The following ZNF396 variants were observed in gnomAD, a reference collection of about 807,000 sequenced individuals.
ZNF396 encodes the protein zinc finger and SCAN domain-containing protein 14.
A neutral mutation model predicts 20.5 loss-of-function variants in ZNF396; 14 were observed. The ratio of observed to expected loss-of-function variants is 0.68; its 90% confidence interval spans 0.45 to 1.07. The LOEUF is 1.07. Ranked by LOEUF, ZNF396 falls within the 50% of genes least tolerant of loss-of-function variation. The pLI, the probability that ZNF396 is intolerant of heterozygous loss-of-function variation, is 0.00. For missense variants in ZNF396, 347 were observed against 390.1 expected (o/e 0.89, Z 0.93); for synonymous variants, 119 against 140.6 (o/e 0.85, Z 1.08).
intron 1 of ZNF396, among the ~76,000 whole-genome samples, chr18:35,376,437 T>C (rs1306702670): frequency 6.6e-6 from 1 of 152,178 alleles, no homozygotes; most frequent in Non-Finnish European, 1.5e-5. Context: ...CAAAGCCAGG[T>C]ACTCTGGCCA....
chr18:35,369,484 A>G lies in ZNF396; in HGVS notation c.739T>C (p.Trp247Arg). The part of the protein sequence containing the change: ...RFEKRQGNPS[W>R]KKQQKCDECG... ...TCATCACATTTCTGTTGTTTTTTCCAAGAAGGGTTTCCTTGTCTCTTTTCA... is the reference window on the plus strand; with the variant it reads ...TCATCACATTTCTGTTGTTTTTTCCGAGAAGGGTTTCCTTGTCTCTTTTCA... Residue 247 changes from tryptophan (W) to arginine (R), a missense_variant, in exon 4 of 4, where the codon TGG becomes CGG. Transcript: ENST00000589332. The G allele has an allele frequency of 6.2e-7, 1 of 1,614,152 alleles. No individual in the cohort carries two copies.
intron 3 of ZNF396, chr18:35,372,185 G>C (rs2045192263): frequency 6.6e-6 from 1 of 152,002 alleles, no homozygotes; most frequent in Non-Finnish European, 1.5e-5. Context: ...GACATTCACA[G>C]GTAGGATGTG....
In ZNF396 at chr18:35,369,439, G is replaced by C; in HGVS notation, c.784C>G (p.Gln262Glu). 6.2e-7 allele frequency: 1 copy of C among 1,614,208 alleles called. No homozygotes were observed. The highest frequency in any genetic ancestry group is 8.5e-7 in the Non-Finnish European group (1 of 1,180,040). Reference sequence around the variant, plus strand: ...TGATGTAAAATAAGGGCTGAGCTCTGACTAAAGATTTTGCCACATTCATCA... The same window carrying C: ...TGATGTAAAATAAGGGCTGAGCTCTCACTAAAGATTTTGCCACATTCATCA... Reference protein sequence around the residue: ...KCDECGKIFSQSSALILHQRI... With the variant: ...KCDECGKIFSESSALILHQRI... The change falls in exon 4 of 4, where the codon CAG becomes GAG. Residue 262 changes from glutamine (Q) to glutamate (E), a missense_variant. Coordinates refer to ENST00000589332, the MANE Select transcript of ZNF396 (RefSeq NM_001322286.2).
intron 3 of ZNF396, chr18:35,371,860 A>G (rs890615754): frequency 1.3e-5 from 2 of 152,180 alleles, no homozygotes; most frequent in African/African-American, 2.4e-5. Flanking sequence ...TCATTTTATA[A>G]ATGGTAAGGA....
At position 35,374,255 on chromosome 18, in the gene ZNF396, G is replaced by T; in HGVS notation, c.38C>A (p.Thr13Lys). The change falls in exon 2 of 4, where the codon ACA (threonine) becomes AAA (lysine). Residue 13 changes from threonine (T) to lysine (K), a missense_variant. Thr to Lys is a moderately conservative substitution (Grantham distance 78, BLOSUM62 -1). Coordinates refer to ENST00000589332, the MANE Select transcript of ZNF396 (RefSeq NM_001322286.2). This position sits in a 1 kb window ranked among gnomAD's most constrained non-coding sequence, Gnocchi z 4.3. ...CCCATTACACTCCTCTGAAGTTTGT[G>T]TTAGGAGTGATGATGACTTTCCCAA... ...AKLGKSSSLL[T>K]QTSEECNGIL... 1.2e-6 allele frequency: 2 copies of T among 1,614,148 alleles called. No homozygotes were observed. The highest frequency in any genetic ancestry group is 1.7e-6 in the Non-Finnish European group (2 of 1,180,038).
At position 35,366,904 on chromosome 18, in the gene ZNF396, C is replaced by G. The variant is rs767994122; in HGVS notation, c.*2311G>C. 5 of 152,090 alleles carry G rather than the reference C, an allele frequency of 3.3e-5. No homozygotes were observed. Among genetic ancestry groups the G allele is most frequent in the Non-Finnish European group, 7.3e-5 (5 of 68,028 alleles). The allele number at this position is 152,090 out of a possible 1,614,324, so 9.4% of individuals were successfully genotyped here. Reference sequence around the variant, plus strand: ...ATATACTTAGACGATATGATTCATACCACTTTCCTGTGGAAACACTCAAAT... The same window carrying G: ...ATATACTTAGACGATATGATTCATAGCACTTTCCTGTGGAAACACTCAAAT... On this transcript the variant is annotated 3_prime_UTR_variant, in exon 4 of 4. Coordinates refer to ENST00000589332, the MANE Select transcript of ZNF396 (RefSeq NM_001322286.2).
In ZNF396 at chr18:35,374,047, C is replaced by G; in HGVS notation, c.246G>C (p.Arg82Ser). Residue 82 changes from arginine (R) to serine (S), a missense_variant, in exon 2 of 4, where the codon AGG becomes AGC. Arg to Ser is a moderately radical substitution (Grantham distance 110, BLOSUM62 -1). Transcript: ENST00000589332. The surrounding 1 kb of genome is among the most constrained non-coding windows in gnomAD (Gnocchi z 4.3). ...TCTGCTCCTTGGTGTGCACTTCCGGCCTCAGCCAGAGATGACAAAGTTCCC... is the reference window on the plus strand; with the variant it reads ...TCTGCTCCTTGGTGTGCACTTCCGGGCTCAGCCAGAGATGACAAAGTTCCC... ...RLWELCHLWL[R>S]PEVHTKEQIL... 1 of 1,614,222 alleles carries G rather than the reference C, an allele frequency of 6.2e-7. No homozygotes were observed. Among genetic ancestry groups the G allele is most frequent in the Non-Finnish European group, 8.5e-7 (1 of 1,180,034 alleles).
Position 35,374,302 on chromosome 18 carries a change from C to A in ZNF396, c.-10G>T, listed in dbSNP as rs1428902899. 3 of 1,610,292 alleles carry A rather than the reference C, an allele frequency of 1.9e-6. No homozygotes were observed. Among genetic ancestry groups the A allele is most frequent in the Non-Finnish European group, 2.5e-6 (3 of 1,179,138 alleles). The stretch of plus-strand genomic sequence containing the variant: ...CCAATTTTGCAGACATTTTGACAGA[C>A]AAATAGCTCAGTACTGTTAGGCTTT... On this transcript the variant is annotated 5_prime_UTR_variant, in exon 2 of 4. Transcript: ENST00000589332. The surrounding 1 kb of genome is among the most constrained non-coding windows in gnomAD (Gnocchi z 4.3).
intron 3 of ZNF396, chr18:35,371,778 G>A (rs2045183788): frequency 6.6e-6 from 1 of 152,152 alleles, no homozygotes; most frequent in Admixed American, 6.5e-5. Flanking sequence ...TTCAACACAA[G>A]TTTTGGAGGA....
At position 35,369,215 on chromosome 18, in the gene ZNF396, T is replaced by C. The variant is rs2045136949; in HGVS notation, c.1008A>G (p.Ter336=). The change falls in exon 4 of 4, where the codon TAA becomes TAG. Residue 336 remains the stop codon, a stop_retained_variant. Coordinates refer to ENST00000589332, the MANE Select transcript of ZNF396 (RefSeq NM_001322286.2). ...RKRHIRKKVP[*] ...AAATGCTTTGATTCCCTCATGATAC[T>C]TATGGGACTTTTTTTCTAATGTGTC... The C allele has an allele frequency of 2.6e-6, 4 of 1,561,564 alleles. No individual in the cohort carries two copies. The East Asian group carries it at 9.1e-5, about 36-fold the overall frequency.
chr18:35,369,588 C>T lies in ZNF396; in HGVS notation c.635G>A (p.Cys212Tyr). Reference sequence around the variant, plus strand: ...CATATGAAGGATATTGGAAACATTGCAATGCAGTTCTATGCCTAAAGAAGT... The same window carrying T: ...CATATGAAGGATATTGGAAACATTGTAATGCAGTTCTATGCCTAAAGAAGT... ...QKTSLGIELH[C>Y]NVSNILHMNG... Residue 212 changes from cysteine to tyrosine, a missense_variant, in exon 4 of 4, where the codon TGC becomes TAC. Transcript: ENST00000589332. 6.2e-7 allele frequency: 1 copy of T among 1,614,126 alleles called. No homozygotes were observed. The highest frequency in any genetic ancestry group is 2.2e-5 in the East Asian group (1 of 44,886).
intron 2 of ZNF396, 108 bp from the exon 3 acceptor site, chr18:35,373,708 A>AG: frequency 1.3e-6 from 2 of 1,516,200 alleles, no homozygotes; most frequent in Non-Finnish European, 1.8e-6. Context: ...AGGAAAAGGG[A>AG]GGGAAAAAGT....
chr18:35,372,915 T>A (rs1262633562), intron 3 of ZNF396: 1 of 152,792 alleles, frequency 6.5e-6, no homozygotes, highest in Admixed American at 6.5e-5. Context: ...TTGTTTAGTA[T>A]CTGCAATGGA....
Position 35,373,965 on chromosome 18 carries a change from C to A in ZNF396, c.328G>T (p.Ala110Ser). The A allele has an allele frequency of 6.2e-7, 1 of 1,614,230 alleles. No individual in the cohort carries two copies. Among genetic ancestry groups the A allele is most frequent in the Non-Finnish European group, 8.5e-7 (1 of 1,180,038 alleles). Residue 110 changes from alanine (A) to serine (S), a missense_variant, in exon 2 of 4, where the codon GCC becomes TCC. Coordinates refer to ENST00000589332, the MANE Select transcript of ZNF396 (RefSeq NM_001322286.2). ...FLAILPKELQ[A>S]WVQKHHPENG... Reference sequence around the variant, plus strand: ...TCTGGATGATGCTTCTGCACCCAGGCCTGAAGCTCTTTTGGGAGGATGGCC... The same window carrying A: ...TCTGGATGATGCTTCTGCACCCAGGACTGAAGCTCTTTTGGGAGGATGGCC...
chr18:35,369,315 C>T lies in ZNF396; in HGVS notation c.908G>A (p.Gly303Asp). 1 of 1,614,208 alleles carries T rather than the reference C, an allele frequency of 6.2e-7. No homozygotes were observed. ...GTCATGACACTTGTAGGGCTTCTCA[C>T]CAGTATGGGTTCGTCGATGCTGAAT... The part of the protein sequence containing the change: ...ILIQHRRTHT[G>D]EKPYKCHDCG... The change falls in exon 4 of 4, where the codon GGT becomes GAT. Residue 303 changes from glycine (G) to aspartate (D), a missense_variant. Gly to Asp is a moderately conservative substitution (Grantham distance 94, BLOSUM62 -1). Coordinates refer to ENST00000589332, the MANE Select transcript of ZNF396 (RefSeq NM_001322286.2).
Position 35,374,124 on chromosome 18 carries a change from G to C in ZNF396, c.169C>G (p.Gln57Glu). ...SPETFRQQFR[Q>E]FGYQDSPGPH... ...CCAGGTGAATCCTGGTAGCCAAACTGCCTGAATTGCTGGCGGAAGGTCTCT... is the reference window on the plus strand; with the variant it reads ...CCAGGTGAATCCTGGTAGCCAAACTCCCTGAATTGCTGGCGGAAGGTCTCT... Residue 57 changes from glutamine to glutamate, a missense_variant, in exon 2 of 4, where the codon CAG (glutamine) becomes GAG (glutamate). Transcript: ENST00000589332. The surrounding 1 kb of genome is among the most constrained non-coding windows in gnomAD (Gnocchi z 4.3). The C allele has an allele frequency of 6.2e-7, 1 of 1,614,218 alleles. No homozygotes were observed. Among genetic ancestry groups the C allele is most frequent in the Non-Finnish European group, 8.5e-7 (1 of 1,180,048 alleles).
rs983807019 is a variant in ZNF396 at position 35,375,203 on chromosome 18, C to T, written c.-72-839G>A. Among the ~76,000 whole-genome samples, 3 of 150,412 alleles carry T rather than the reference C, an allele frequency of 2.0e-5. No individual in the cohort carries two copies. In the East Asian group the frequency reaches 5.8e-4, roughly 29 times the overall value. On this transcript the variant is annotated intron_variant, in intron 1 of 3. Coordinates refer to ENST00000589332, the MANE Select transcript of ZNF396 (RefSeq NM_001322286.2). ...CTGAAATCCCAGCACTTTGGGAAGC[C>T]GAGGTGGGAGATGGGAGGATCACCT...
intron 3 of ZNF396, 112 bp downstream of exon 3, chr18:35,373,344 G>A (rs2045208553): frequency 1.5e-6 from 2 of 1,294,854 alleles, no homozygotes; most frequent in South Asian, 1.9e-5. Flanking sequence ...CCCACAGTAA[G>A]GAGGAGATGA....
intron 1 of ZNF396, among the ~76,000 whole-genome samples, chr18:35,375,573 CAA>C (rs1183520787): frequency 6.6e-6 from 1 of 152,094 alleles, no homozygotes; most frequent in South Asian, 2.1e-4. Flanking sequence ...AAATATTGCA[CAA>C]AGACTGTATC....
Sources: allele counts gnomAD v4.1 joint callset (sites outside exome capture counted in the v4.1 genomes callset), GRCh38; gene constraint gnomAD v4.1.1; non-coding constraint Gnocchi (gnomAD v3.1); transcripts MANE v1.5; gene names NCBI Gene and HGNC (gene_info 2026-07-23, HGNC 2026-07-21).